Variants in CDK14 observed in about 807,000 individuals in gnomAD.
CDK14 encodes cyclin dependent kinase 14, also known as cyclin-dependent kinase 14.
In CDK14, 34 loss-of-function variants were observed where a neutral mutation model predicts 60.7. The ratio of observed to expected loss-of-function variants is 0.56; its 90% CI spans 0.43 to 0.75. CDK14 has a LOEUF of 0.75. Ranked by LOEUF, CDK14 falls within the 30% of genes least tolerant of loss-of-function variation. CDK14 has a pLI of 0.00. For synonymous variants in CDK14, 197 were observed against 203.7 expected (o/e 0.97, Z 0.28); for missense variants, 482 against 564.1 (o/e 0.85, Z 1.47).
At chr7:90,871,604 T>G (rs1791375077) in intron 6 of CDK14, among the ~76,000 whole-genome samples, 1 of 152,212 alleles carries the variant, frequency 6.6e-6, no homozygotes, top group Non-Finnish European at 1.5e-5. Context: ...TGAAATATAA[T>G]GAGCACCTTA....
intron 10 of CDK14, among the ~76,000 whole-genome samples, chr7:90,998,813 C>T (rs1207650887): frequency 2.6e-5 from 4 of 152,184 alleles, no homozygotes; most frequent in Admixed American, 1.3e-4. Context: ...GGCCTGAACC[C>T]GGGAGGCGGA....
chr7:90,866,014 C>T (rs1053922706), intron 6 of CDK14, among the ~76,000 whole-genome samples: 1 of 152,040 alleles, frequency 6.6e-6, no homozygotes, highest in Non-Finnish European at 1.5e-5. Context: ...CATAACCTTC[C>T]TTTATTCTAC....
At chr7:90,973,751 GA>G (rs1794992583) in intron 9 of CDK14, among the ~76,000 whole-genome samples, 1 of 151,962 alleles carries the variant, frequency 6.6e-6, no homozygotes, top group African/African-American at 2.4e-5. Context: ...TTTGAAAGGA[GA>G]GGGGGTGTAC....
At chr7:90,793,049 T>G (rs1175420340) in intron 5 of CDK14, among the ~76,000 whole-genome samples, 1 of 152,194 alleles carries the variant, frequency 6.6e-6, no homozygotes, top group African/African-American at 2.4e-5. Context: ...CACACCCTAT[T>G]TTTATTTCCA....
intron 9 of CDK14, among the ~76,000 whole-genome samples, chr7:90,964,136 T>C (rs936131389): frequency 2.6e-5 from 4 of 152,232 alleles, no homozygotes; most frequent in African/African-American, 9.6e-5. Flanking sequence ...GATGTCTTCA[T>C]AGAAGTATGT....
At chr7:91,179,262 C>A (rs968918007) in intron 14 of CDK14, among the ~76,000 whole-genome samples, 3 of 149,280 alleles carry the variant, frequency 2.0e-5, no homozygotes, top group Non-Finnish European at 4.4e-5. Context: ...GAACAAAAAA[C>A]CAAACCCCGC....
chr7:91,055,036 C>T (rs1797510024), intron 11 of CDK14, among the ~76,000 whole-genome samples: 1 of 152,098 alleles, frequency 6.6e-6, no homozygotes, highest in Non-Finnish European at 1.5e-5. Flanking sequence ...GTGTGAAATC[C>T]TCTTGATTGG....
In CDK14 at chr7:91,146,025, C is replaced by T. The variant is rs917983095; in HGVS notation, c.*28+27817C>T. ...TCAAACTGAACAATAACATTTAAAA[C>T]ACACAATGGGAAGCTGTGCAGTTAT... On this transcript the variant is annotated intron_variant, in intron 14 of 14. Transcript: ENST00000380050. 2.6e-5 allele frequency among the ~76,000 whole-genome samples: 4 copies of T among 152,052 alleles called. No individual in the cohort carries two copies. In the East Asian group the frequency reaches 7.7e-4, roughly 29 times the overall value.
chr7:90,655,562 A>G (rs1304829317), intron 2 of CDK14, among the ~76,000 whole-genome samples: 1 of 152,242 alleles, frequency 6.6e-6, no homozygotes, highest in African/African-American at 2.4e-5. Flanking sequence ...TTAGAGTTGA[A>G]ATACAAACTG....
intron 14 of CDK14, among the ~76,000 whole-genome samples, chr7:91,124,732 A>G (rs930707434): frequency 1.3e-5 from 2 of 152,174 alleles, no homozygotes; most frequent in Non-Finnish European, 2.9e-5. Context: ...CTTAGGGACT[A>G]TTTAGCCAGC....
chr7:90,697,515 G>A (rs1801684100), intron 2 of CDK14, among the ~76,000 whole-genome samples: 2 of 152,040 alleles, frequency 1.3e-5, no homozygotes, highest in African/African-American at 4.8e-5. Context: ...GTTTTATAAA[G>A]CATCAGATTT....
intron 6 of CDK14, among the ~76,000 whole-genome samples, chr7:90,864,886 TTAA>T (rs1336343623): frequency 6.6e-6 from 1 of 152,182 alleles, no homozygotes; most frequent in African/African-American, 2.4e-5. Context: ...AATCAACCAC[TTAA>T]TAATATGGGC....
intron 12 of CDK14, among the ~76,000 whole-genome samples, chr7:91,085,726 A>T (rs1282220417): frequency 6.6e-6 from 1 of 152,196 alleles, no homozygotes; most frequent in Non-Finnish European, 1.5e-5. Context: ...TCTCTGACCC[A>T]TCAGGTAACA....
chr7:91,001,901 A>G (rs1687483827), intron 10 of CDK14, among the ~76,000 whole-genome samples: 1 of 152,234 alleles, frequency 6.6e-6, no homozygotes, highest in Non-Finnish European at 1.5e-5. Flanking sequence ...AAGTGATACA[A>G]CTTAACCATT....
chr7:90,747,308 G>A (rs1279106815), intron 3 of CDK14, among the ~76,000 whole-genome samples: 2 of 152,136 alleles, frequency 1.3e-5, no homozygotes, highest in Non-Finnish European at 2.9e-5. Flanking sequence ...ATAATAACAT[G>A]TAAAGTGTTC....
chr7:90,941,786 T>A (rs541801550), intron 8 of CDK14, among the ~76,000 whole-genome samples: 225 of 151,956 alleles, frequency 1.5e-3, no homozygotes, highest in African/African-American at 5.0e-3. Flanking sequence ...GTGCATCAGG[T>A]GTTGTTCTGT....
At chr7:90,737,717 G>A (rs1803180340) in intron 3 of CDK14, among the ~76,000 whole-genome samples, 1 of 152,166 alleles carries the variant, frequency 6.6e-6, no homozygotes, top group South Asian at 2.1e-4. Context: ...ATAAAAATTA[G>A]CCCAGTCAGG....
chr7:90,687,956 G>T (rs2116578213), intron 2 of CDK14, among the ~76,000 whole-genome samples: 1 of 152,294 alleles, frequency 6.6e-6, no homozygotes, highest in Non-Finnish European at 1.5e-5. Flanking sequence ...GAAGGACAGA[G>T]AAGACAGCCA....
intron 2 of CDK14, among the ~76,000 whole-genome samples, chr7:90,606,334 A>G (rs1858922): frequency 0.63 from 95,900 of 152,022 alleles, 31,204 homozygotes; most frequent in Non-Finnish European, 0.72. Flanking sequence ...TCCTTTGTAA[A>G]ATAGAGATAA....
Sources: gnomAD v4.1 joint callset for allele counts (sites outside exome capture counted in the v4.1 genomes callset) on GRCh38, gnomAD v4.1.1 for gene constraint, MANE v1.5 for transcripts, NCBI Gene and HGNC (gene_info 2026-07-23, HGNC 2026-07-21) for gene names.